PLEKHA2: variants seen among roughly 807,000 people sequenced by gnomAD.
The protein encoded by PLEKHA2 is pleckstrin homology domain-containing family A member 2.
PLEKHA2 carries 28 observed loss-of-function variants against 53.2 expected under a neutral mutation model. The ratio of observed to expected loss-of-function variants is 0.53; its 90% CI spans 0.39 to 0.72. The LOEUF (loss-of-function observed/expected upper bound fraction) is 0.72. Ranked by LOEUF, PLEKHA2 falls within the 30% of genes least tolerant of loss-of-function variation. PLEKHA2 has a pLI of 0.00. For synonymous variants in PLEKHA2, 193 were observed against 196.4 expected, an observed-to-expected ratio of 0.98 and a Z score of 0.14; for missense variants, 426 against 537.9, an observed-to-expected ratio of 0.79 and a Z score of 2.06.
At chr8:38,923,713 G>A (rs540773088) in intron 2 of PLEKHA2, among the ~76,000 whole-genome samples, 1 of 152,200 alleles carries the variant, frequency 6.6e-6, no homozygotes, top group Admixed American at 6.5e-5. Flanking sequence ...CAATTGGGGT[G>A]GGGAGAGCTG....
chr8:38,929,707 C>A (rs1405091422), intron 2 of PLEKHA2, among the ~76,000 whole-genome samples: 2 of 152,178 alleles, frequency 1.3e-5, no homozygotes, highest in East Asian at 3.8e-4. Context: ...CTTTCTTTCT[C>A]AGGCTGTTAC....
At chr8:38,916,053 A>G (rs1158759359) in intron 1 of PLEKHA2, among the ~76,000 whole-genome samples, 1 of 152,058 alleles carries the variant, frequency 6.6e-6, no homozygotes, top group Non-Finnish European at 1.5e-5. Context: ...TCGTCTCACT[A>G]TAACCTCCAG....
At chr8:38,910,571 A>G (rs547868875) in intron 1 of PLEKHA2, among the ~76,000 whole-genome samples, 1 of 152,370 alleles carries the variant, frequency 6.6e-6, no homozygotes, top group South Asian at 2.1e-4. Context: ...GATTATAGTG[A>G]TGATAACAAT....
chr8:38,939,366 T>C (rs1032933824), intron 3 of PLEKHA2, among the ~76,000 whole-genome samples: 13 of 149,084 alleles, frequency 8.7e-5, no homozygotes, highest in South Asian at 8.3e-4. Flanking sequence ...AGTGAGCCAA[T>C]CAGGGCAGAA....
intron 3 of PLEKHA2, 100 bp from the exon 4 acceptor site, chr8:38,943,689 A>T (rs956488352): frequency 3.6e-6 from 3 of 839,570 alleles, no homozygotes; most frequent in Admixed American, 3.3e-5. Context: ...ATGTAGACAT[A>T]TGTTTAATGT....
intron 5 of PLEKHA2, among the ~76,000 whole-genome samples, 195 bp downstream of exon 5, chr8:38,946,416 C>G (rs1337884913): frequency 2.6e-5 from 4 of 152,216 alleles, no homozygotes; most frequent in African/African-American, 4.8e-5. Context: ...GAGTTTGAAT[C>G]AAGTTCAAGG....
At chr8:38,951,862 C>G (rs865925667) in intron 6 of PLEKHA2, among the ~76,000 whole-genome samples, 6 of 151,764 alleles carry the variant, frequency 4.0e-5, no homozygotes, top group South Asian at 2.1e-4. Flanking sequence ...CTGGGTAATT[C>G]TTTTTTTTAA....
At chr8:38,920,029 T>A (rs534714338) in intron 2 of PLEKHA2, among the ~76,000 whole-genome samples, 1 of 152,258 alleles carries the variant, frequency 6.6e-6, no homozygotes, top group African/African-American at 2.4e-5. Context: ...TGGAGTGCAG[T>A]GGCATGATCT....
chr8:38,918,384 CAT>C (rs999782543), intron 2 of PLEKHA2, among the ~76,000 whole-genome samples: 66 of 148,818 alleles, frequency 4.4e-4, no homozygotes, highest in Admixed American at 2.9e-3. Flanking sequence ...GACACACACA[CAT>C]ACCCCCCATA....
At position 38,964,852 on chromosome 8, in the gene PLEKHA2, C is replaced by CTTTTTTTTT; in HGVS notation, c.838-3718_838-3710dup. Among the ~76,000 whole-genome samples, 2 of 54,968 alleles carry CTTTTTTTTT rather than the reference C, an allele frequency of 3.6e-5. 1 individual carries two copies. The highest frequency in any genetic ancestry group is 6.4e-5 in the Non-Finnish European group (2 of 31,012). 36.1% of individuals were successfully genotyped at this position (54,968 alleles called of 152,430 possible). On this transcript the variant is annotated intron_variant, in intron 10 of 11. Coordinates refer to ENST00000617275, the MANE Select transcript of PLEKHA2 (RefSeq NM_021623.2). ...TATTTTATTTTTTCTTGTTACTTCCCTTTTTTTTTTTTTTTTTTTTTTTTT... is the reference window on the plus strand; with the variant it reads ...TATTTTATTTTTTCTTGTTACTTCCCTTTTTTTTTTTTTTTTTTTTTTTTTTTTTTTTTT...
chr8:38,952,180 G>A lies in PLEKHA2; in HGVS notation c.501G>A (p.Gly167=). Reference sequence around the variant, plus strand: ...TTTCCTTGCAGAACGGTGGGGATGGGCAGGAAGGGAGTGAGCCCGGGTCCC... The same window carrying A: ...TTTCCTTGCAGAACGGTGGGGATGGACAGGAAGGGAGTGAGCCCGGGTCCC... ...HTPISQNGGD[G]QEGSEPGSHT... The change falls in exon 7 of 12, where the codon GGG becomes GGA. Residue 167 remains glycine (G), a synonymous_variant. Transcript: ENST00000617275. 1 of 1,613,084 alleles carries A rather than the reference G, an allele frequency of 6.2e-7. No homozygotes were observed. Among genetic ancestry groups the A allele is most frequent in the Admixed American group, 1.7e-5 (1 of 59,936 alleles).
In PLEKHA2 at chr8:38,950,830, GT is replaced by G; in HGVS notation, c.346-18del. ...CTAAATGTTCTGTTCCCCATTGATT[GT>G]TGCTGCCGCTCACCCCAGGTTCCCA... On this transcript the variant is annotated intron_variant, in intron 5 of 11. Coordinates refer to ENST00000617275, the MANE Select transcript of PLEKHA2 (RefSeq NM_021623.2). 2.5e-6 allele frequency: 4 copies of G among 1,607,682 alleles called. No individual in the cohort carries two copies. The highest frequency in any genetic ancestry group is 3.4e-6 in the Non-Finnish European group (4 of 1,175,582).
chr8:38,917,471 T>TCAGGAAGTGCTTACTGTGTGC (rs1364083852), intron 1 of PLEKHA2, among the ~76,000 whole-genome samples: 1 of 152,358 alleles, frequency 6.6e-6, no homozygotes, highest in Non-Finnish European at 1.5e-5. Context: ...TAGCTACTGT[T>TCAGGAAGTGCTTACTGTGTGC]CAGGAAGTGC....
At chr8:38,969,155 G>T (rs1208861192) in intron 11 of PLEKHA2, among the ~76,000 whole-genome samples, 4 of 151,932 alleles carry the variant, frequency 2.6e-5, no homozygotes, top group Non-Finnish European at 4.4e-5. Context: ...CTTGCCTCGG[G>T]CTCCCAAAGT....
intron 4 of PLEKHA2, among the ~76,000 whole-genome samples, chr8:38,945,581 GA>G (rs1320420409): frequency 2.0e-5 from 3 of 152,128 alleles, no homozygotes; most frequent in Non-Finnish European, 4.4e-5. Context: ...TAATAATAGT[GA>G]ATGTGGAAGT....
At chr8:38,942,791 T>C in intron 3 of PLEKHA2, among the ~76,000 whole-genome samples, 1 of 152,184 alleles carries the variant, frequency 6.6e-6, no homozygotes, top group East Asian at 1.9e-4. Context: ...CTCAGGAGTG[T>C]ACATGCCAGG....
chr8:38,926,166 A>G (rs1473665964), intron 2 of PLEKHA2, among the ~76,000 whole-genome samples: 1 of 152,162 alleles, frequency 6.6e-6, no homozygotes, highest in East Asian at 1.9e-4. Context: ...TCTTCAATTC[A>G]TGGATTTTGT....
chr8:38,929,563 C>T (rs989873341), intron 2 of PLEKHA2, among the ~76,000 whole-genome samples: 1 of 152,246 alleles, frequency 6.6e-6, no homozygotes, highest in Non-Finnish European at 1.5e-5. Flanking sequence ...TGACCCTGGG[C>T]AGGTTCCTTC....
intron 10 of PLEKHA2, among the ~76,000 whole-genome samples, chr8:38,959,547 A>T (rs1238925474): frequency 1.3e-5 from 2 of 152,142 alleles, no homozygotes; most frequent in Admixed American, 1.3e-4. Context: ...ATGATCTTCA[A>T]CCCCAGCCCT....
Sources: allele counts gnomAD v4.1 joint callset (sites outside exome capture counted in the v4.1 genomes callset), GRCh38; gene constraint gnomAD v4.1.1; transcripts MANE v1.5; gene names NCBI Gene and HGNC (gene_info 2026-07-23, HGNC 2026-07-21).